The following ACACB variants were observed in gnomAD, a reference collection of about 807,000 sequenced individuals.
The protein encoded by ACACB is acetyl-CoA carboxylase beta.
A neutral mutation model predicts 278.8 loss-of-function variants in ACACB; 209 were observed. The observed-to-expected ratio is 0.75, with a 90% CI of 0.67 to 0.84. ACACB has a LOEUF of 0.84. Ranked by LOEUF, ACACB falls within the 40% of genes least tolerant of loss-of-function variation. The probability of loss-of-function intolerance (pLI) is 0.00; values close to 1 mark genes in which losing one functional copy is unlikely to be tolerated. For missense variants in ACACB, 2,850 were observed against 3,269.0 expected, an observed-to-expected ratio of 0.87 and a Z score of 3.13; for synonymous variants, 1,174 against 1,285.6, an observed-to-expected ratio of 0.91 and a Z score of 1.86.
At chr12:109,207,580 G>C (rs12307255) in intron 20 of ACACB, among the ~76,000 whole-genome samples, 12,486 of 152,266 alleles carry the variant, frequency 0.082, 587 homozygotes, top group African/African-American at 0.13. Flanking sequence ...CAGTGACTAA[G>C]CATCACACTG....
Position 109,201,582 on chromosome 12 carries a change from A to G in ACACB, c.2794A>G (p.Met932Val), listed in dbSNP as rs1262536501. ...TACGAAATAGGTGATGAAGATGATC[A>G]TGACCCTGAACGTTCAGGAAAGAGG... is the stretch of plus-strand genomic sequence containing the variant. Reference protein sequence around the residue: ...YAEMEVMKMIMTLNVQERGRV... With the variant: ...YAEMEVMKMIVTLNVQERGRV... Residue 932 changes from methionine (M) to valine (V), a missense_variant, in exon 19 of 53, where the codon ATG (methionine) becomes GTG (valine). Met to Val is a conservative substitution (Grantham distance 21, BLOSUM62 1). Transcript: ENST00000338432. The G allele has an allele frequency of 1.9e-6, 3 of 1,614,002 alleles. No homozygotes were observed. Among genetic ancestry groups the G allele is most frequent in the Non-Finnish European group, 2.5e-6 (3 of 1,180,016 alleles).
chr12:109,213,055 T>A, intron 22 of ACACB, 119 bp downstream of exon 22: 2 of 811,506 alleles, frequency 2.5e-6, no homozygotes, highest in Non-Finnish European at 4.1e-6. Flanking sequence ...AAGTGTGTTA[T>A]AGTCCTGCAG....
intron 1 of ACACB, among the ~76,000 whole-genome samples, chr12:109,123,222 T>C (rs2042594809): frequency 6.6e-6 from 1 of 151,840 alleles, no homozygotes; most frequent in Non-Finnish European, 1.5e-5. Context: ...GTTGAAAGAA[T>C]TTTACAGTGG....
At chr12:109,236,381 A>C (rs2046633523) in intron 33 of ACACB, 1 of 152,296 alleles carries the variant, frequency 6.6e-6, no homozygotes, top group South Asian at 2.1e-4. Flanking sequence ...CATTTTTTCC[A>C]AACTGTTTTT....
At chr12:109,176,079 C>T (rs774494165) in intron 8 of ACACB, 39 bp downstream of exon 8, 16 of 1,610,644 alleles carry the variant, frequency 9.9e-6, no homozygotes, top group Middle Eastern at 1.6e-4. Flanking sequence ...GAGCCAGAAC[C>T]GAACTGCCTC....
chr12:109,259,969 A>G, intron 47 of ACACB: 2 of 901,378 alleles, frequency 2.2e-6, no homozygotes, highest in Non-Finnish European at 3.2e-6. Context: ...GAACAGGACC[A>G]ACCTCAGAGG....
At position 109,250,043 on chromosome 12, in the gene ACACB, G is replaced by T; in HGVS notation, c.5729G>T (p.Gly1910Val). 2.5e-6 allele frequency: 4 copies of T among 1,613,582 alleles called. No individual in the cohort carries two copies. Among genetic ancestry groups the T allele is most frequent in the Non-Finnish European group, 3.4e-6 (4 of 1,179,800 alleles). Residue 1910 changes from glycine (G) to valine (V), a missense_variant, in exon 41 of 53, where the codon GGC (glycine) becomes GTC (valine). Transcript: ENST00000338432. ...DDGLGVENLRGSGMIAGESSL... is the reference protein window; with the variant it reads ...DDGLGVENLRVSGMIAGESSL... ...GGCTTGGGCGTGGAGAATCTGAGGGGCTCAGGCATGATTGCTGGGGAGTCC... is the reference window on the plus strand; with the variant it reads ...GGCTTGGGCGTGGAGAATCTGAGGGTCTCAGGCATGATTGCTGGGGAGTCC...
chr12:109,153,824 G>C lies in ACACB; in HGVS notation c.654-13037G>C, dbSNP rs542270956. Among the ~76,000 whole-genome samples the C allele has an allele frequency of 3.7e-3, 567 of 152,038 alleles. 1 individual carries two copies. Among genetic ancestry groups the C allele is most frequent in the Admixed American group, 4.8e-3 (74 of 15,282 alleles). ...ACTACAGGTGTGCACCACCATGCCC[G>C]GCTAATTTTTGTATTATTAGTAGAG... On this transcript the variant is annotated intron_variant, in intron 2 of 52. Transcript: ENST00000338432.
intron 22 of ACACB, among the ~76,000 whole-genome samples, chr12:109,215,182 T>C (rs2045957318): frequency 6.6e-6 from 1 of 152,106 alleles, no homozygotes. Flanking sequence ...TTTAAAATGG[T>C]CTCTATACCT....
At position 109,185,636 on chromosome 12, in the gene ACACB, T is replaced by C. The variant is rs1238219120; in HGVS notation, c.1876T>C (p.Ser626Pro). 6.2e-7 allele frequency: 1 copy of C among 1,613,408 alleles called. No individual in the cohort carries two copies. The change falls in exon 12 of 53, where the codon TCA becomes CCA. Residue 626 changes from serine to proline, a missense_variant. Ser to Pro is a moderately conservative substitution (Grantham distance 74, BLOSUM62 -1). Coordinates refer to ENST00000338432, the MANE Select transcript of ACACB (RefSeq NM_001093.4). ...GGATATCCGGCTTCTGTATGGAGAG[T>C]CACCATGGGGAGTGACTCCCATTTC... ...LKDIRLLYGE[S>P]PWGVTPISFE...
At chr12:109,185,491 C>T in intron 11 of ACACB, 88 bp from the exon 12 acceptor site, 1 of 1,414,688 alleles carries the variant, frequency 7.1e-7, no homozygotes, top group East Asian at 2.3e-5. Flanking sequence ...ATTGACTGAA[C>T]CTCCGTTGCA....
Position 109,246,244 on chromosome 12 carries a change from C to T in ACACB, c.5367C>T (p.Ile1789=), listed in dbSNP as rs771596563. The change falls in exon 39 of 53, where the codon ATC becomes ATT. Residue 1789 remains isoleucine, a synonymous_variant. Coordinates refer to ENST00000338432, the MANE Select transcript of ACACB (RefSeq NM_001093.4). The stretch of plus-strand genomic sequence containing the variant: ...AGTACCCGGAAGGACGGGATGTGAT[C>T]GTCATCGGCAATGACATCACCTTTC... The part of the protein sequence containing the change: ...TQEYPEGRDV[I]VIGNDITFRI... 1.2e-5 allele frequency: 20 copies of T among 1,613,474 alleles called. No homozygotes were observed. Among genetic ancestry groups the T allele is most frequent in the African/African-American group, 5.4e-5 (4 of 74,720 alleles).
intron 16 of ACACB, 92 bp from the exon 17 acceptor site, chr12:109,196,916 A>G (rs565212059): frequency 7.2e-7 from 1 of 1,383,986 alleles, no homozygotes; most frequent in East Asian, 2.9e-5. Context: ...TCTGTGGTGG[A>G]CAACCAGCTC....
intron 13 of ACACB, among the ~76,000 whole-genome samples, chr12:109,189,178 A>G (rs1193999258): frequency 6.6e-6 from 1 of 152,218 alleles, no homozygotes; most frequent in Non-Finnish European, 1.5e-5. Context: ...TGTGTGGGTA[A>G]CTGCCCTTCG....
chr12:109,255,307 A>T (rs2047197225), intron 44 of ACACB, among the ~76,000 whole-genome samples: 1 of 152,210 alleles, frequency 6.6e-6, no homozygotes, highest in South Asian at 2.1e-4. Context: ...TGCTACCTTT[A>T]GACTTGGCTG....
intron 1 of ACACB, among the ~76,000 whole-genome samples, chr12:109,133,287 G>A (rs1038961016): frequency 2.0e-5 from 3 of 151,434 alleles, no homozygotes; most frequent in East Asian, 3.9e-4. Context: ...CTGGAGTGCA[G>A]TGGCGTGATC....
chr12:109,191,545 A>C, intron 13 of ACACB, 68 bp from the exon 14 acceptor site: 2 of 1,587,710 alleles, frequency 1.3e-6, no homozygotes, highest in South Asian at 2.3e-5. Flanking sequence ...TCTGAATCAC[A>C]TCATTGCAGC....
At chr12:109,115,750 T>C (rs1405089572), upstream of ACACB, among the ~76,000 whole-genome samples, 2 of 152,232 alleles carry the variant, frequency 1.3e-5, no homozygotes, top group African/African-American at 4.8e-5. Flanking sequence ...AAAGTAGCTG[T>C]GAACAGGCTG....
chr12:109,147,427 T>C (rs2043270218), intron 2 of ACACB, among the ~76,000 whole-genome samples: 1 of 147,766 alleles, frequency 6.8e-6, no homozygotes, highest in African/African-American at 2.5e-5. Flanking sequence ...GTATTTTTAG[T>C]AGACACTGGG....
Sources: allele counts gnomAD v4.1 joint callset (sites outside exome capture counted in the v4.1 genomes callset), GRCh38; gene constraint gnomAD v4.1.1; transcripts MANE v1.5; gene names NCBI Gene and HGNC (gene_info 2026-07-23, HGNC 2026-07-21).